MKLN1: variants seen among roughly 807,000 people sequenced by gnomAD.
MKLN1 encodes muskelin 1.
Under a neutral mutation model 99.0 loss-of-function variants are expected in MKLN1, and 18 were observed. The ratio of observed to expected loss-of-function variants is 0.18; its 90% CI spans 0.13 to 0.27. MKLN1 has a LOEUF of 0.27. MKLN1 is among the 10% of genes least tolerant of loss of function. The pLI, the probability that MKLN1 is intolerant of heterozygous loss-of-function variation, is 1.00. For synonymous variants in MKLN1, 288 were observed against 293.2 expected (o/e 0.98, Z 0.18); for missense variants, 621 against 875.9 (o/e 0.71, Z 3.67).
chr7:131,194,003 GT>G (rs71168387), intron 2 of MKLN1, among the ~76,000 whole-genome samples: 26,119 of 127,914 alleles, frequency 0.2, 2,321 homozygotes, highest in South Asian at 0.25. Flanking sequence ...GCTTTGTTTT[GT>G]TTTTTTTTTT....
In MKLN1 at chr7:131,495,275, A is replaced by G. The variant is rs563411723; in HGVS notation, c.*7547A>G. The G allele has an allele frequency of 3.0e-4, 45 of 152,320 alleles. No homozygotes were observed. Among genetic ancestry groups the G allele is most frequent in the African/African-American group, 9.9e-4 (41 of 41,582 alleles). The allele number at this position is 152,320 out of a possible 1,614,324, so 9.4% of individuals were successfully genotyped here. ...TGAGAAGAAAGATACAACTTCCTCC[A>G]TAGCCAATAAAATCTGTCTTTCCAA... On this transcript the variant is annotated 3_prime_UTR_variant, in exon 18 of 18. Transcript: ENST00000352689.
At chr7:131,417,598 T>A (rs1795056717) in intron 8 of MKLN1, among the ~76,000 whole-genome samples, 1 of 152,220 alleles carries the variant, frequency 6.6e-6, no homozygotes, top group African/African-American at 2.4e-5. Flanking sequence ...GTCCTTGATA[T>A]CAGTAATAGA....
chr7:131,128,542 T>C (rs555207574), intron 1 of MKLN1, among the ~76,000 whole-genome samples: 6 of 152,090 alleles, frequency 3.9e-5, no homozygotes, highest in Non-Finnish European at 7.4e-5. Context: ...AAGGAAAACA[T>C]TGATATATTT....
At chr7:131,243,805 G>A (rs1202710000) in intron 3 of MKLN1, among the ~76,000 whole-genome samples, 4 of 152,156 alleles carry the variant, frequency 2.6e-5, no homozygotes, top group Non-Finnish European at 5.9e-5. Context: ...CCTGAAATCA[G>A]GAGTTCAAGA....
upstream of MKLN1, among the ~76,000 whole-genome samples, chr7:131,324,798 C>T (rs1238690579): frequency 1.3e-5 from 2 of 152,146 alleles, no homozygotes; most frequent in East Asian, 3.8e-4. Flanking sequence ...CACTTTAATG[C>T]CTCTCTGGGC....
intron 3 of MKLN1, among the ~76,000 whole-genome samples, chr7:131,236,986 C>T (rs552718860): frequency 9.9e-4 from 150 of 152,168 alleles, no homozygotes; most frequent in African/African-American, 3.5e-3. Context: ...GAGACTCTGT[C>T]TCTAAAAAAG....
At chr7:131,403,242 T>G (rs994462369) in intron 6 of MKLN1, among the ~76,000 whole-genome samples, 1 of 152,208 alleles carries the variant, frequency 6.6e-6, no homozygotes, top group Non-Finnish European at 1.5e-5. Flanking sequence ...CAGAGGTGGC[T>G]TCTTTCTTTA....
At position 131,400,550 on chromosome 7, in the gene MKLN1, A is replaced by G. The variant is rs139536009; in HGVS notation, c.703+1117A>G. Among the ~76,000 whole-genome samples the G allele has an allele frequency of 7.5e-3, 1,056 of 140,706 alleles. 15 individuals carry two copies. The highest frequency in any genetic ancestry group is 0.027 in the African/African-American group (984 of 36,188). 92.3% of individuals were successfully genotyped at this position (140,706 alleles called of 152,430 possible). The stretch of plus-strand genomic sequence containing the variant: ...ATATATATATATATATGCCATTTCT[A>G]GGAGTGAATTCTGTGGGTTTTTTTT... On this transcript the variant is annotated intron_variant, in intron 6 of 17. Coordinates refer to ENST00000352689, the MANE Select transcript of MKLN1 (RefSeq NM_013255.5).
intron 12 of MKLN1, among the ~76,000 whole-genome samples, chr7:131,457,355 A>G (rs1370496392): frequency 3.9e-5 from 6 of 152,162 alleles, no homozygotes. Context: ...ACACACTAGT[A>G]ATATGAAATA....
At chr7:131,229,415 T>G (rs1797207948) in intron 3 of MKLN1, among the ~76,000 whole-genome samples, 2 of 151,896 alleles carry the variant, frequency 1.3e-5, no homozygotes, top group South Asian at 4.2e-4. Context: ...CTGAAGTTAG[T>G]TGAAAGAAAT....
At chr7:131,366,205 A>C (rs1800176313) in intron 1 of MKLN1, among the ~76,000 whole-genome samples, 2 of 152,176 alleles carry the variant, frequency 1.3e-5, no homozygotes, top group African/African-American at 4.8e-5. Flanking sequence ...CAAGCTCCAA[A>C]ATCTCAAGAT....
intron 1 of MKLN1, among the ~76,000 whole-genome samples, chr7:131,332,691 G>A (rs1045636952): frequency 6.6e-6 from 1 of 151,670 alleles, no homozygotes; most frequent in African/African-American, 2.4e-5. Flanking sequence ...TTGCTGTTCT[G>A]TATTTGCTTT....
At chr7:131,472,011 A>G (rs1796833724) in intron 16 of MKLN1, 1 of 152,276 alleles carries the variant, frequency 6.6e-6, no homozygotes, top group Non-Finnish European at 1.5e-5. Context: ...CATGCTTTAG[A>G]ACCCCCATGA....
At position 131,278,715 on chromosome 7, in the gene MKLN1, C is replaced by T. The variant is rs112798530; in HGVS notation, c.-179+75741C>T. Among the ~76,000 whole-genome samples, 472 of 152,154 alleles carry T rather than the reference C, an allele frequency of 3.1e-3. 1 individual carries two copies. Among genetic ancestry groups the T allele is most frequent in the African/African-American group, 0.011 (445 of 41,514 alleles). ...TCAAGCAGTCCTCCCAGCTCAGCCT[C>T]CCCAGTAGCTAGGACTACAGGCATG... On this transcript the variant is annotated intron_variant, in intron 3 of 7. Transcript: ENST00000416992.
At chr7:131,404,778 G>A (rs1311016002) in intron 6 of MKLN1, among the ~76,000 whole-genome samples, 1 of 151,554 alleles carries the variant, frequency 6.6e-6, no homozygotes, top group Non-Finnish European at 1.5e-5. Flanking sequence ...TTAATTTTTT[G>A]TAGAGATGGG....
At chr7:131,272,548 A>G (rs2116560242) in intron 3 of MKLN1, among the ~76,000 whole-genome samples, 1 of 152,332 alleles carries the variant, frequency 6.6e-6, no homozygotes, top group Non-Finnish European at 1.5e-5. Context: ...AAGAATATGA[A>G]GAGGAGAGAG....
At chr7:131,306,764 A>G (rs1798473279) in intron 3 of MKLN1, among the ~76,000 whole-genome samples, 1 of 152,234 alleles carries the variant, frequency 6.6e-6, no homozygotes, top group East Asian at 1.9e-4. Context: ...AAAAGTTTGG[A>G]AAATTTGCAG....
chr7:131,262,632 C>T (rs1184036021), intron 3 of MKLN1, among the ~76,000 whole-genome samples: 2 of 151,954 alleles, frequency 1.3e-5, no homozygotes, highest in East Asian at 3.9e-4. Context: ...CTCACTGCAA[C>T]CTCCACCTCC....
At chr7:131,320,114 T>C (rs994002300) in intron 3 of MKLN1, among the ~76,000 whole-genome samples, 2 of 152,318 alleles carry the variant, frequency 1.3e-5, no homozygotes, top group African/African-American at 4.8e-5. Flanking sequence ...AGAGCCTGCA[T>C]AGCCAAGACA....
Sources: allele counts gnomAD v4.1 joint callset (sites outside exome capture counted in the v4.1 genomes callset), GRCh38; gene constraint gnomAD v4.1.1; transcripts MANE v1.5; gene names NCBI Gene and HGNC (gene_info 2026-07-23, HGNC 2026-07-21).